TAF1B: variants seen among roughly 807,000 people sequenced by gnomAD.
TAF1B encodes TATA box-binding protein-associated factor RNA polymerase I subunit B.
TAF1B carries 61 observed loss-of-function variants against 83.9 expected under a neutral mutation model. That is an observed-to-expected ratio of 0.73 (90% CI 0.59 to 0.90). TAF1B has a LOEUF of 0.90. TAF1B is among the 40% of genes least tolerant of loss of function. The probability of loss-of-function intolerance (pLI) is 0.00; values close to 1 mark genes in which losing one functional copy is unlikely to be tolerated. For missense variants in TAF1B, 625 were observed against 677.0 expected, an observed-to-expected ratio of 0.92 and a Z score of 0.85; for synonymous variants, 221 against 224.6, an observed-to-expected ratio of 0.98 and a Z score of 0.14.
At chr2:9,909,108 C>CT (rs1558262116) in intron 9 of TAF1B, among the ~76,000 whole-genome samples, 2 of 152,014 alleles carry the variant, frequency 1.3e-5, no homozygotes, top group Non-Finnish European at 2.9e-5. Context: ...ATCAGCAAAA[C>CT]TTTTTTACTT....
intron 7 of TAF1B, among the ~76,000 whole-genome samples, chr2:9,880,461 A>G (rs1664469152): frequency 6.9e-6 from 1 of 144,204 alleles, no homozygotes; most frequent in African/African-American, 2.5e-5. Flanking sequence ...TGGAAAAACA[A>G]ATACTTTTCT....
At chr2:9,850,856 C>G (rs538871558) in intron 3 of TAF1B, among the ~76,000 whole-genome samples, 216 of 152,270 alleles carry the variant, frequency 1.4e-3, no homozygotes, top group Non-Finnish European at 2.7e-3. Flanking sequence ...AAATAACCCA[C>G]GTAAGATACC....
chr2:9,898,853 C>T (rs1174551166), intron 8 of TAF1B, among the ~76,000 whole-genome samples: 3 of 151,444 alleles, frequency 2.0e-5, no homozygotes, highest in Non-Finnish European at 4.4e-5. Flanking sequence ...TTTTAAATTT[C>T]CAGCTTTATT....
intron 6 of TAF1B, among the ~76,000 whole-genome samples, chr2:9,871,624 G>A (rs1440967598): frequency 6.6e-6 from 1 of 152,166 alleles, no homozygotes; most frequent in African/African-American, 2.4e-5. Context: ...AAACATGGGA[G>A]ACTAAAAAGT....
chr2:9,846,467 A>G (rs1410074748), intron 2 of TAF1B, among the ~76,000 whole-genome samples: 5 of 152,208 alleles, frequency 3.3e-5, no homozygotes, highest in Admixed American at 6.5e-5. Context: ...TACCTTCACC[A>G]TACAGGCTTA....
intron 8 of TAF1B, among the ~76,000 whole-genome samples, chr2:9,886,227 C>T (rs1461656772): frequency 6.7e-6 from 1 of 148,610 alleles, no homozygotes; most frequent in East Asian, 2.0e-4. Flanking sequence ...AAAAGACATA[C>T]CATTTTGGAA....
At chr2:9,915,371 C>T (rs1010869093) in intron 12 of TAF1B, among the ~76,000 whole-genome samples, 4 of 151,914 alleles carry the variant, frequency 2.6e-5, no homozygotes, top group Admixed American at 6.6e-5. Flanking sequence ...AAGCTACAGA[C>T]GAGGAGAAAT....
chr2:9,858,169 C>T (rs548821723), intron 5 of TAF1B, among the ~76,000 whole-genome samples: 1 of 152,226 alleles, frequency 6.6e-6, no homozygotes, highest in Non-Finnish European at 1.5e-5. Flanking sequence ...AGGTTACAGG[C>T]ATTGGGTAAA....
At chr2:9,880,961 G>A (rs1370054255) in intron 7 of TAF1B, among the ~76,000 whole-genome samples, 1 of 152,086 alleles carries the variant, frequency 6.6e-6, no homozygotes, top group Non-Finnish European at 1.5e-5. Context: ...AAACTTAGCT[G>A]GGGAACCTTT....
chr2:9,851,527 T>C lies in TAF1B; in HGVS notation c.206-14T>C. The C allele has an allele frequency of 6.3e-7, 1 of 1,584,874 alleles. No homozygotes were observed. The highest frequency in any genetic ancestry group is 1.4e-5 in the African/African-American group (1 of 73,844). On this transcript the variant is annotated splice_polypyrimidine_tract_variant and intron_variant, in intron 3 of 14. Transcript: ENST00000263663. ...TAGGAATGTATATGCTAAAACATGC[T>C]ATTTGTCATTTAGAAAAAGGCTGGG...
At chr2:9,849,310 TG>T in intron 2 of TAF1B, 62 bp from the exon 3 acceptor site, 4 of 1,290,430 alleles carry the variant, frequency 3.1e-6, no homozygotes, top group Non-Finnish European at 4.2e-6. Context: ...AGAAAATACC[TG>T]GAAAAATGCT....
chr2:9,860,224 A>AT (rs972000080), intron 5 of TAF1B, among the ~76,000 whole-genome samples: 2 of 152,190 alleles, frequency 1.3e-5, no homozygotes, highest in African/African-American at 2.4e-5. Flanking sequence ...CACAGAGCCA[A>AT]ACCATATCAG....
intron 14 of TAF1B, among the ~76,000 whole-genome samples, chr2:9,925,144 G>GA (rs1398422645): frequency 6.6e-6 from 1 of 152,080 alleles, no homozygotes; most frequent in Non-Finnish European, 1.5e-5. Context: ...AAACTATAGT[G>GA]AAAAAACAGT....
At chr2:9,868,493 T>C (rs1460771877) in intron 6 of TAF1B, 64 bp downstream of exon 6, 16 of 1,561,488 alleles carry the variant, frequency 1.0e-5, no homozygotes, top group Non-Finnish European at 1.4e-5. Context: ...AATAATTTAG[T>C]CTAATCTTCT....
At chr2:9,882,896 G>T in intron 8 of TAF1B, 91 bp downstream of exon 8, 2 of 897,204 alleles carry the variant, frequency 2.2e-6, no homozygotes, top group Non-Finnish European at 1.7e-6. Flanking sequence ...ATTATTTGGT[G>T]TTTTGTGTTT....
chr2:9,874,253 T>C (rs2125150233), intron 6 of TAF1B, among the ~76,000 whole-genome samples: 2 of 152,282 alleles, frequency 1.3e-5, no homozygotes, highest in Middle Eastern at 3.4e-3. Context: ...CCTGCTAATA[T>C]ACTTGGTATT....
chr2:9,910,593 T>C (rs534806074), intron 9 of TAF1B, 143 bp from the exon 10 acceptor site: 4 of 599,222 alleles, frequency 6.7e-6, no homozygotes, highest in Non-Finnish European at 1.1e-5. Flanking sequence ...ATGGATGCCA[T>C]GTTTTGATGT....
intron 12 of TAF1B, among the ~76,000 whole-genome samples, chr2:9,915,931 G>A (rs945389871): frequency 1.3e-5 from 2 of 152,214 alleles, no homozygotes; most frequent in African/African-American, 4.8e-5. Flanking sequence ...CCAGCAATAT[G>A]AGTGAATCTT....
At chr2:9,861,956 C>T (rs936533599) in intron 5 of TAF1B, among the ~76,000 whole-genome samples, 2 of 152,184 alleles carry the variant, frequency 1.3e-5, no homozygotes, top group African/African-American at 4.8e-5. Flanking sequence ...ACGTCACCAT[C>T]ATCAAAGACC....
Sources: gnomAD v4.1 joint callset for allele counts (sites outside exome capture counted in the v4.1 genomes callset) on GRCh38, gnomAD v4.1.1 for gene constraint, MANE v1.5 for transcripts, NCBI Gene and HGNC (gene_info 2026-07-23, HGNC 2026-07-21) for gene names.